Variants in TRAF1 observed in about 807,000 individuals in gnomAD.
The protein encoded by TRAF1 is TNF receptor-associated factor 1.
Under a neutral mutation model 40.9 loss-of-function variants are expected in TRAF1, and 23 were observed. The ratio of observed to expected loss-of-function variants is 0.56; its 90% CI spans 0.40 to 0.80. The LOEUF is 0.80. Among genes scored for constraint, TRAF1 ranks in the 30% least tolerant of loss-of-function variants. The probability of loss-of-function intolerance (pLI) is 0.00; values close to 1 mark genes in which losing one functional copy is unlikely to be tolerated. For missense variants in TRAF1, 477 were observed against 528.7 expected, an observed-to-expected ratio of 0.90 and a Z score of 0.96; for synonymous variants, 206 against 218.8, an observed-to-expected ratio of 0.94 and a Z score of 0.52.
rs984285646 is a variant in TRAF1, at chr9:120,906,177, T to G, written c.1033-939A>C. Among the ~76,000 whole-genome samples, 5 of 101,236 alleles carry G rather than the reference T, an allele frequency of 4.9e-5. No individual in the cohort carries two copies. The East Asian group carries it at 8.9e-4, about 18-fold the overall frequency. 66.4% of individuals were successfully genotyped at this position (101,236 alleles called of 152,430 possible). On this transcript the variant is annotated intron_variant, in intron 7 of 7. Coordinates refer to ENST00000373887, the MANE Select transcript of TRAF1 (RefSeq NM_005658.5). ...CCTCTATAAGAATTATGGTGTGTTTTTTTTTTTTTTTTTTTTTTTGAGACA... is the reference window on the plus strand; with the variant it reads ...CCTCTATAAGAATTATGGTGTGTTTGTTTTTTTTTTTTTTTTTTTGAGACA...
At chr9:120,909,750 A>T (rs1475817574) in intron 6 of TRAF1, among the ~76,000 whole-genome samples, 1 of 152,230 alleles carries the variant, frequency 6.6e-6, no homozygotes, top group Non-Finnish European at 1.5e-5. Context: ...TACAGTCTGG[A>T]AACCAAGCTG....
chr9:120,908,227 A>T (rs7866003), intron 7 of TRAF1, among the ~76,000 whole-genome samples: 104,375 of 152,060 alleles, frequency 0.69, 36,113 homozygotes, highest in South Asian at 0.82. Context: ...TATCTAAAAA[A>T]TTTTTTAACT....
chr9:120,909,766 A>C (rs1331187562), intron 6 of TRAF1, among the ~76,000 whole-genome samples: 2 of 152,214 alleles, frequency 1.3e-5, no homozygotes, highest in African/African-American at 4.8e-5. Flanking sequence ...AGCTGAGAAA[A>C]ACAAAGTGGC....
At chr9:120,917,474 G>T (rs1184440555) in intron 3 of TRAF1, among the ~76,000 whole-genome samples, 1 of 152,188 alleles carries the variant, frequency 6.6e-6, no homozygotes, top group Non-Finnish European at 1.5e-5. Flanking sequence ...AGGATTAAAT[G>T]AGATAATACA....
In TRAF1 at chr9:120,903,085, T is replaced by A. The variant is rs918910487; in HGVS notation, c.*1935A>T. ...AGAGGTTATTGCTAGGACATCAGTT[T>A]CAGGGCCTAGACCCATCACTCGCTA... is the stretch of plus-strand genomic sequence containing the variant. On this transcript the variant is annotated 3_prime_UTR_variant, in exon 8 of 8. Transcript: ENST00000373887. 12 of 152,316 alleles carry A rather than the reference T, an allele frequency of 7.9e-5. No homozygotes were observed. The highest frequency in any genetic ancestry group is 7.2e-4 in the Admixed American group (11 of 15,306). 9.4% of individuals were successfully genotyped at this position (152,316 alleles called of 1,614,324 possible). A position where few individuals can be genotyped will look rare whatever the true frequency, so the allele number is the denominator to read the frequency against.
chr9:120,905,289 T>C, intron 7 of TRAF1, 51 bp from the exon 8 acceptor site: 1 of 1,541,116 alleles, frequency 6.5e-7, no homozygotes, highest in South Asian at 1.2e-5. Flanking sequence ...GCAGCGCAGC[T>C]TGGAGGCCCA....
At chr9:120,913,187 G>A (rs1011796481) in intron 5 of TRAF1, 141 bp downstream of exon 5, 14 of 1,073,736 alleles carry the variant, frequency 1.3e-5, no homozygotes, top group Non-Finnish European at 1.8e-5. Flanking sequence ...TTCCTGGAAG[G>A]GTGTGGGATA....
chr9:120,917,590 G>T (rs982551961), intron 3 of TRAF1, among the ~76,000 whole-genome samples: 1 of 152,174 alleles, frequency 6.6e-6, no homozygotes, highest in Non-Finnish European at 1.5e-5. Flanking sequence ...GAGGCCAGGG[G>T]TCCTAACATG....
chr9:120,924,923 G>C (rs1236039673), intron 2 of TRAF1, among the ~76,000 whole-genome samples: 1 of 152,216 alleles, frequency 6.6e-6, no homozygotes, highest in Non-Finnish European at 1.5e-5. Context: ...TCCTCTGCCA[G>C]GTTTTGGAAG....
intron 3 of TRAF1, chr9:120,914,606 G>T (rs1432313112): frequency 8.6e-6 from 9 of 1,046,068 alleles, no homozygotes; most frequent in Middle Eastern, 4.3e-4. Flanking sequence ...TGGTCGGGGG[G>T]GCTCTGTGAG....
At chr9:120,913,146 GACCTTGACTACAGCTTCTA>G (rs2046540968) in intron 5 of TRAF1, among the ~76,000 whole-genome samples, 163 bp downstream of exon 5, 1 of 152,186 alleles carries the variant, frequency 6.6e-6, no homozygotes, top group Non-Finnish European at 1.5e-5. Flanking sequence ...GGGAGGTTAT[GACCTTGACTACAGCTTCTA>G]ACTCAGCGCT....
chr9:120,905,053 C>T lies in TRAF1; in HGVS notation c.1218G>A (p.Met406Ile). Residue 406 changes from methionine to isoleucine, a missense_variant, in exon 8 of 8, where the codon ATG becomes ATA. By Grantham distance (10) the Met-to-Ile change is conservative. Coordinates refer to ENST00000373887, the MANE Select transcript of TRAF1 (RefSeq NM_005658.5). ...PKHAYVKDDT[M>I]FLKCIVETST is the part of the protein sequence containing the mutation. ...TGGTCTCCACAATGCACTTGAGGAA[C>T]ATTGTGTCGTCCTTCACGTAGGCGT... 6.2e-7 allele frequency: 1 copy of T among 1,614,250 alleles called. No individual in the cohort carries two copies.
At chr9:120,914,162 G>A in intron 4 of TRAF1, 73 bp downstream of exon 4, 1 of 1,276,588 alleles carries the variant, frequency 7.8e-7, no homozygotes. Flanking sequence ...AATCATGGAG[G>A]GGCTGCAGTG....
At chr9:120,919,910 G>A (rs190353141) in intron 3 of TRAF1, among the ~76,000 whole-genome samples, 5 of 152,310 alleles carry the variant, frequency 3.3e-5, no homozygotes, top group East Asian at 3.9e-4. Context: ...GGAGCCATGG[G>A]TTAGAGCCTG....
At chr9:120,921,451 C>T (rs543420629) in intron 3 of TRAF1, among the ~76,000 whole-genome samples, 6 of 152,180 alleles carry the variant, frequency 3.9e-5, no homozygotes, top group South Asian at 2.1e-4. Context: ...AAGATTTACA[C>T]AATAAATGTG....
chr9:120,908,050 G>T (rs572264943), intron 7 of TRAF1, among the ~76,000 whole-genome samples: 1 of 151,986 alleles, frequency 6.6e-6, no homozygotes, highest in Non-Finnish European at 1.5e-5. Context: ...GTGCCACCAC[G>T]CCCAGCTGAT....
At chr9:120,910,737 T>C (rs2046520152) in intron 6 of TRAF1, among the ~76,000 whole-genome samples, 1 of 152,206 alleles carries the variant, frequency 6.6e-6, no homozygotes, top group African/African-American at 2.4e-5. Context: ...ACTGTTATAT[T>C]AACAGATATC....
In TRAF1 at chr9:120,910,541, G is replaced by A. The variant is rs546807741; in HGVS notation, c.883+795C>T. On this transcript the variant is annotated intron_variant, in intron 6 of 7. Coordinates refer to ENST00000373887, the MANE Select transcript of TRAF1 (RefSeq NM_005658.5). ...CTCTCAAGTAGCTAGGACCACAGGT[G>A]CAGGCCACCATGCCTGGCTAATTTA... 1.3e-4 allele frequency among the ~76,000 whole-genome samples: 20 copies of A among 152,248 alleles called. 1 individual carries two copies. The South Asian group carries it at 3.7e-3, about 28-fold the overall frequency.
rs1277067727 is a variant in TRAF1, at chr9:120,904,634, G to A, written c.*386C>T. The A allele has an allele frequency of 3.6e-5, 8 of 224,894 alleles. No homozygotes were observed. The highest frequency in any genetic ancestry group is 1.4e-4 in the South Asian group (2 of 14,814). 13.9% of individuals were successfully genotyped at this position (224,894 alleles called of 1,614,324 possible). ...AGGCCTGTGTCCAGGTCTCCCTGGC[G>A]GCCCTGCAGAGATCTTCCTAGCCCG... On this transcript the variant is annotated 3_prime_UTR_variant, in exon 8 of 8. Transcript: ENST00000373887.
Sources: allele counts gnomAD v4.1 joint callset (sites outside exome capture counted in the v4.1 genomes callset), GRCh38; gene constraint gnomAD v4.1.1; transcripts MANE v1.5; gene names NCBI Gene and HGNC (gene_info 2026-07-23, HGNC 2026-07-21).